KLHL14: variants seen among roughly 807,000 people sequenced by gnomAD.
KLHL14 encodes kelch like family member 14.
Under a neutral mutation model 64.3 loss-of-function variants are expected in KLHL14, and 22 were observed. The observed-to-expected ratio is 0.34, with a 90% CI of 0.24 to 0.49. KLHL14 has a LOEUF of 0.49. KLHL14 is among the 20% of genes least tolerant of loss of function. The pLI is 0.99. For synonymous variants in KLHL14, 322 were observed against 333.4 expected, an observed-to-expected ratio of 0.97 and a Z score of 0.37; for missense variants, 661 against 789.0, an observed-to-expected ratio of 0.84 and a Z score of 1.94.
At chr18:32,706,507 A>G (rs892915518) in intron 3 of KLHL14, among the ~76,000 whole-genome samples, 1 of 152,176 alleles carries the variant, frequency 6.6e-6, no homozygotes, top group African/African-American at 2.4e-5. Flanking sequence ...TTATTTATGA[A>G]TATATTTATG....
At chr18:32,678,552 A>G (rs1426656569) in intron 7 of KLHL14, among the ~76,000 whole-genome samples, 1 of 152,168 alleles carries the variant, frequency 6.6e-6, no homozygotes, top group East Asian at 1.9e-4. Flanking sequence ...AAGCATATAC[A>G]CTTAGAATGA....
chr18:32,703,266 A>G (rs2049975129), intron 3 of KLHL14, among the ~76,000 whole-genome samples: 1 of 152,196 alleles, frequency 6.6e-6, no homozygotes, highest in Non-Finnish European at 1.5e-5. Flanking sequence ...ATATTAATGG[A>G]TCAGTAAATA....
At position 32,672,728 on chromosome 18, in the gene KLHL14, A is replaced by C. The variant is rs766525284; in HGVS notation, c.*1929T>G. The C allele has an allele frequency of 2.3e-4, 35 of 152,642 alleles. No individual in the cohort carries two copies. Among genetic ancestry groups the C allele is most frequent in the Non-Finnish European group, 4.4e-4 (30 of 68,036 alleles). 9.5% of individuals were successfully genotyped at this position (152,642 alleles called of 1,614,324 possible). On this transcript the variant is annotated 3_prime_UTR_variant, in exon 9 of 9. Transcript: ENST00000359358. ...CCCCTTCCAAGCAAGCTTCATTTACACATTCTAATACTGTACAAAATTTAC... is the reference window on the plus strand; with the variant it reads ...CCCCTTCCAAGCAAGCTTCATTTACCCATTCTAATACTGTACAAAATTTAC...
chr18:32,681,683 T>C (rs2049839574), intron 5 of KLHL14, among the ~76,000 whole-genome samples: 1 of 152,232 alleles, frequency 6.6e-6, no homozygotes, highest in South Asian at 2.1e-4. Flanking sequence ...ATTTAATGAA[T>C]TAATGATCTC....
chr18:32,771,062 CG>C (rs1257762094), intron 1 of KLHL14: 7 of 290,874 alleles, frequency 2.4e-5, no homozygotes, highest in Admixed American at 9.2e-5. Context: ...AGTGGGGAGC[CG>C]GGGGTGCCCT....
rs76224187 is a variant in KLHL14 at position 32,724,512 on chromosome 18, C to T, written c.1069+17416G>A. ...TGGGTTTCAGAGGCAGGCTCTGAAG[C>T]CAGTTGCTTGGGCTCCAGAACAAAG... On this transcript the variant is annotated intron_variant, in intron 3 of 8. Transcript: ENST00000359358. Among the ~76,000 whole-genome samples the T allele has an allele frequency of 1.7e-3, 258 of 152,282 alleles. 4 individuals are homozygous for T. The South Asian group carries it at 0.028, about 17-fold the overall frequency.
chr18:32,705,417 A>C (rs920761318), intron 3 of KLHL14, among the ~76,000 whole-genome samples: 1 of 152,236 alleles, frequency 6.6e-6, no homozygotes, highest in East Asian at 1.9e-4. Context: ...TTACAAAATA[A>C]AATTTTTTAA....
chr18:32,680,035 C>T lies in KLHL14; in HGVS notation c.1588+134G>A, dbSNP rs2049830421. On this transcript the variant is annotated intron_variant, in intron 7 of 8. Coordinates refer to ENST00000359358, the MANE Select transcript of KLHL14 (RefSeq NM_020805.3). This position sits in a 1 kb window ranked among gnomAD's most constrained non-coding sequence, Gnocchi z 4.8. ...CTTGCTCAAGGGTACTGCCAATTTA[C>T]ACAGAGTAGATTTTATTAGGTCAAC... The T allele has an allele frequency of 2.2e-6, 2 of 895,364 alleles. No homozygotes were observed. The highest frequency in any genetic ancestry group is 5.6e-5 in the Admixed American group (2 of 35,594). 55.5% of individuals were successfully genotyped at this position (895,364 alleles called of 1,614,324 possible).
rs2144540774 is a variant in KLHL14, at chr18:32,752,394, G to A, written c.948-10345C>T. Among the ~76,000 whole-genome samples, 2 of 152,278 alleles carry A rather than the reference G, an allele frequency of 1.3e-5. 1 individual carries two copies. Among genetic ancestry groups the A allele is most frequent in the South Asian group, 4.1e-4 (2 of 4,828 alleles). ...CTCAGAGAGCCATATATTGGGAAAAGGACATTCATATCAACCAACTCCCAA... is the reference window on the plus strand; with the variant it reads ...CTCAGAGAGCCATATATTGGGAAAAAGACATTCATATCAACCAACTCCCAA... On this transcript the variant is annotated intron_variant, in intron 2 of 8. Coordinates refer to ENST00000359358, the MANE Select transcript of KLHL14 (RefSeq NM_020805.3).
chr18:32,711,047 G>A (rs1212927044), intron 3 of KLHL14, among the ~76,000 whole-genome samples: 1 of 151,994 alleles, frequency 6.6e-6, no homozygotes, highest in Non-Finnish European at 1.5e-5. Flanking sequence ...CAGCAAATAG[G>A]GCCCCTCCTT....
chr18:32,746,184 T>A (rs910043713), intron 2 of KLHL14, among the ~76,000 whole-genome samples: 1 of 152,216 alleles, frequency 6.6e-6, no homozygotes, highest in Non-Finnish European at 1.5e-5. Context: ...AAGTACGTAT[T>A]GAAAGACAAG....
At position 32,770,906 on chromosome 18, in the gene KLHL14, C is replaced by T; in HGVS notation, c.-43-272G>A. ...TCCTCTCGCCACCTCCCACACACTT[C>T]GTCCCTCACTTTCCTAAAACCAACC... On this transcript the variant is annotated intron_variant, in intron 1 of 8. Transcript: ENST00000359358. This position sits in a 1 kb window ranked among gnomAD's most constrained non-coding sequence, Gnocchi z 6.7. 1 of 475,508 alleles carries T rather than the reference C, an allele frequency of 2.1e-6. No individual in the cohort carries two copies. The highest frequency in any genetic ancestry group is 3.9e-6 in the Non-Finnish European group (1 of 256,940). The allele number at this position is 475,508 out of a possible 1,614,324, so 29.5% of individuals were successfully genotyped here.
In KLHL14 at chr18:32,756,293, C is replaced by T. The variant is rs551001535; in HGVS notation, c.947+13352G>A. Among the ~76,000 whole-genome samples, 239 of 152,204 alleles carry T rather than the reference C, an allele frequency of 1.6e-3. 1 individual carries two copies. The highest frequency in any genetic ancestry group is 5.4e-3 in the South Asian group (26 of 4,822). On this transcript the variant is annotated intron_variant, in intron 2 of 8. Coordinates refer to ENST00000359358, the MANE Select transcript of KLHL14 (RefSeq NM_020805.3). Reference sequence around the variant, plus strand: ...GTCTACAAACCAGGAAGAGAGGCTCCGCAGAAATCAACCCTGCTGGCACCT... The same window carrying T: ...GTCTACAAACCAGGAAGAGAGGCTCTGCAGAAATCAACCCTGCTGGCACCT...
chr18:32,748,000 G>A (rs2050232201), intron 2 of KLHL14, among the ~76,000 whole-genome samples: 1 of 152,178 alleles, frequency 6.6e-6, no homozygotes, highest in South Asian at 2.1e-4. Flanking sequence ...GGTGTTCTAA[G>A]GATTGGAGAT....
chr18:32,729,165 T>C (rs959410042), intron 3 of KLHL14, among the ~76,000 whole-genome samples: 2 of 152,106 alleles, frequency 1.3e-5, no homozygotes, highest in South Asian at 2.1e-4. Flanking sequence ...ACGTGGTTCA[T>C]TGGGTGTCCT....
chr18:32,715,715 A>G (rs2050042205), intron 3 of KLHL14, among the ~76,000 whole-genome samples: 1 of 152,186 alleles, frequency 6.6e-6, no homozygotes, highest in Non-Finnish European at 1.5e-5. Flanking sequence ...AGTAGTTTCA[A>G]CATTATCTTC....
chr18:32,746,829 G>T (rs575591404), intron 2 of KLHL14, among the ~76,000 whole-genome samples: 3 of 152,318 alleles, frequency 2.0e-5, no homozygotes, highest in Admixed American at 6.5e-5. Context: ...GCCCTAGCAA[G>T]TTACCAGGAT....
intron 3 of KLHL14, among the ~76,000 whole-genome samples, chr18:32,710,161 T>A (rs1234269361): frequency 6.6e-6 from 1 of 152,204 alleles, no homozygotes; most frequent in Non-Finnish European, 1.5e-5. Flanking sequence ...ACAAGCCTCA[T>A]TACAAACAAA....
At chr18:32,677,412 A>G (rs2049817047) in intron 7 of KLHL14, 82 bp from the exon 8 acceptor site, 25 of 1,257,156 alleles carry the variant, frequency 2.0e-5, no homozygotes, top group Non-Finnish European at 2.7e-5. Flanking sequence ...TTTAAAAACA[A>G]GTCTCAAGCC....
Sources: gnomAD v4.1 joint callset for allele counts (sites outside exome capture counted in the v4.1 genomes callset) on GRCh38, gnomAD v4.1.1 for gene constraint, Gnocchi (gnomAD v3.1) non-coding constraint, MANE v1.5 for transcripts, NCBI Gene and HGNC (gene_info 2026-07-23, HGNC 2026-07-21) for gene names.